The following RWDD4 variants were observed in gnomAD, a reference collection of about 807,000 sequenced individuals.
RWDD4 encodes RWD domain containing 4.
RWDD4 carries 16 observed loss-of-function variants against 30.0 expected under a neutral mutation model. That is an observed-to-expected ratio of 0.53 (90% CI 0.36 to 0.81). The LOEUF (loss-of-function observed/expected upper bound fraction) is 0.81. Among genes scored for constraint, RWDD4 ranks in the 30% least tolerant of loss-of-function variants. The pLI is 0.00. For missense variants in RWDD4, 170 were observed against 223.9 expected, an observed-to-expected ratio of 0.76 and a Z score of 1.54; for synonymous variants, 45 against 72.1, an observed-to-expected ratio of 0.62 and a Z score of 1.90.
At chr4:183,648,322 A>T (rs77758307) in intron 5 of RWDD4, among the ~76,000 whole-genome samples, 5,900 of 152,174 alleles carry the variant, frequency 0.039, 394 homozygotes, top group African/African-American at 0.14. Flanking sequence ...TTTTAACCTG[A>T]CATAGTAGCA....
chr4:183,642,185 A>ATTTTTTTTTTTTTTTTT (rs1009902870), intron 7 of RWDD4, among the ~76,000 whole-genome samples: 1 of 97,154 alleles, frequency 1.0e-5, no homozygotes, highest in African/African-American at 5.2e-5. Context: ...CATTCTTAAA[A>ATTTTTTTTTTTTTTTTT]TTTTTTTTTT....
chr4:183,640,018 G>C lies in RWDD4; in HGVS notation c.*1418C>G, dbSNP rs1401404344. The C allele has an allele frequency of 6.6e-6, 1 of 152,018 alleles. No individual in the cohort carries two copies. Among genetic ancestry groups the C allele is most frequent in the African/African-American group, 2.4e-5 (1 of 41,376 alleles). The allele number at this position is 152,018 out of a possible 1,614,324, so 9.4% of individuals were successfully genotyped here. ...ACAAATACTACCCACACACAACCCT[G>C]AAACATAAGTTGCCATATTCCAGTG... On this transcript the variant is annotated 3_prime_UTR_variant, in exon 8 of 8. Transcript: ENST00000326397.
rs562228179 is a variant in RWDD4, at chr4:183,655,304, T to A, written c.105+577A>T. On this transcript the variant is annotated intron_variant, in intron 2 of 7. Coordinates refer to ENST00000326397, the MANE Select transcript of RWDD4 (RefSeq NM_152682.4). ...TTTACAAAATAAAATACTGTTACTA[T>A]TTTTTTTTTGAGACAGAGTCTCGCT... Among the ~76,000 whole-genome samples the A allele has an allele frequency of 2.5e-4, 33 of 130,564 alleles. 1 individual carries two copies. In the South Asian group the frequency reaches 6.8e-3, roughly 27 times the overall value. The allele number at this position is 130,564 out of a possible 152,430, so 85.7% of individuals were successfully genotyped here.
Position 183,641,472 on chromosome 4 carries a change from T to G in RWDD4, c.535-4A>C, listed in dbSNP as rs750914883. 10 of 1,601,020 alleles carry G rather than the reference T, an allele frequency of 6.2e-6. 1 individual carries two copies. In the South Asian group the frequency reaches 1.1e-4, roughly 18 times the overall value. ...CCTTAGAGCCAGTTTTGCTTAACTA[T>G]AAAAAAAAGAGAGAAAATAGTCAAC... On this transcript the variant is annotated splice_region_variant and splice_polypyrimidine_tract_variant and intron_variant, in intron 7 of 7. Transcript: ENST00000326397.
chr4:183,658,838 C>A (rs1734288466), intron 1 of RWDD4, 91 bp downstream of exon 1: 3 of 1,130,692 alleles, frequency 2.7e-6, no homozygotes, highest in Non-Finnish European at 3.3e-6. Context: ...GGGCACGTGC[C>A]GGGCAGGCTG....
At chr4:183,648,029 G>A (rs1561010690) in intron 5 of RWDD4, among the ~76,000 whole-genome samples, 1 of 152,120 alleles carries the variant, frequency 6.6e-6, no homozygotes, top group Non-Finnish European at 1.5e-5. Context: ...CAGATCACGA[G>A]GTCAAGAGAT....
At chr4:183,646,559 C>G (rs372286737) in intron 5 of RWDD4, 22 bp from the exon 6 acceptor site, 2 of 1,602,272 alleles carry the variant, frequency 1.2e-6, no homozygotes, top group Non-Finnish European at 1.7e-6. Context: ...AAAATAGTAA[C>G]TTTATTTCTA....
intron 7 of RWDD4, among the ~76,000 whole-genome samples, 160 bp from the exon 8 acceptor site, chr4:183,641,628 C>T (rs1433413309): frequency 6.6e-6 from 1 of 152,172 alleles, no homozygotes; most frequent in Non-Finnish European, 1.5e-5. Context: ...AGCTCAGCTA[C>T]TTCAAACGGG....
chr4:183,658,334 C>T (rs565212618), intron 1 of RWDD4, among the ~76,000 whole-genome samples: 2 of 152,280 alleles, frequency 1.3e-5, no homozygotes, highest in African/African-American at 4.8e-5. Context: ...GCCCGTAGCA[C>T]CCACCCCCCA....
intron 1 of RWDD4, among the ~76,000 whole-genome samples, chr4:183,656,651 G>T (rs1734199909): frequency 6.6e-6 from 1 of 152,202 alleles, no homozygotes; most frequent in African/African-American, 2.4e-5. Context: ...ACACGTTTAA[G>T]TTTTTCAAAA....
chr4:183,649,397 A>C lies in RWDD4; in HGVS notation c.481+54T>G, dbSNP rs896755841. On this transcript the variant is annotated intron_variant, in intron 5 of 7. Transcript: ENST00000326397. ...CCACTGCACTCCAGCCTGGGCAACA[A>C]GAGTGAGACTCTGTCAAAAAAAAGA... is the stretch of plus-strand genomic sequence containing the variant. The C allele has an allele frequency of 5.9e-6, 7 of 1,184,452 alleles. No homozygotes were observed. In the African/African-American group the frequency reaches 1.1e-4, roughly 18 times the overall value. 73.4% of individuals were successfully genotyped at this position (1,184,452 alleles called of 1,614,324 possible). A position where few individuals can be genotyped will look rare whatever the true frequency, so the allele number is the denominator to read the frequency against.
intron 2 of RWDD4, among the ~76,000 whole-genome samples, chr4:183,653,110 T>C (rs999892572): frequency 6.6e-6 from 1 of 152,188 alleles, no homozygotes; most frequent in African/African-American, 2.4e-5. Context: ...AAATTAAACA[T>C]TTTTGGTAAG....
chr4:183,657,016 G>C (rs2111254917), intron 1 of RWDD4, among the ~76,000 whole-genome samples: 1 of 150,420 alleles, frequency 6.6e-6, no homozygotes, highest in South Asian at 2.1e-4. Flanking sequence ...ACAGAGCGAG[G>C]CTCCGTCTCA....
intron 7 of RWDD4, among the ~76,000 whole-genome samples, chr4:183,643,120 A>G (rs187064641): frequency 0.049 from 7,017 of 142,002 alleles, 250 homozygotes; most frequent in Middle Eastern, 0.11. Context: ...AAAATTAAAA[A>G]AAAAAAAAAA....
At chr4:183,641,861 TAAAA>T (rs967451584) in intron 7 of RWDD4, among the ~76,000 whole-genome samples, 1 of 152,104 alleles carries the variant, frequency 6.6e-6, no homozygotes, top group African/African-American at 2.4e-5. Context: ...TGTGGTCAAA[TAAAA>T]AAATACGTAA....
At chr4:183,653,832 C>A (rs887702053) in intron 2 of RWDD4, among the ~76,000 whole-genome samples, 1 of 152,120 alleles carries the variant, frequency 6.6e-6, no homozygotes, top group African/African-American at 2.4e-5. Flanking sequence ...GTGCTGGGTA[C>A]CGAAGATACA....
At chr4:183,652,399 T>C (rs921158408) in intron 2 of RWDD4, among the ~76,000 whole-genome samples, 11 of 138,934 alleles carry the variant, frequency 7.9e-5, no homozygotes, top group Non-Finnish European at 1.5e-4. Context: ...CTCACTCCAT[T>C]GCCCAGGCTG....
At chr4:183,643,536 G>A (rs1398371728) in intron 7 of RWDD4, among the ~76,000 whole-genome samples, 3 of 150,832 alleles carry the variant, frequency 2.0e-5, no homozygotes, top group African/African-American at 7.3e-5. Context: ...GACATCCCAG[G>A]GGTCCAAAGC....
intron 7 of RWDD4, 61 bp from the exon 8 acceptor site, chr4:183,641,529 G>A: frequency 7.6e-7 from 1 of 1,319,808 alleles, no homozygotes; most frequent in Non-Finnish European, 1.1e-6. Context: ...CTATTTCCAT[G>A]GAGTATCAAA....
Sources: allele counts gnomAD v4.1 joint callset (sites outside exome capture counted in the v4.1 genomes callset), GRCh38; gene constraint gnomAD v4.1.1; transcripts MANE v1.5; gene names NCBI Gene and HGNC (gene_info 2026-07-23, HGNC 2026-07-21).